RASSF8: variants seen among roughly 807,000 people sequenced by gnomAD.
RASSF8 encodes the protein Ras association domain family member 8.
RASSF8 carries 22 observed loss-of-function variants against 48.5 expected under a neutral mutation model. That is an observed-to-expected ratio of 0.45 (90% confidence interval 0.32 to 0.65). The LOEUF (loss-of-function observed/expected upper bound fraction) is 0.65. Among genes scored for constraint, RASSF8 ranks in the 30% least tolerant of loss-of-function variants. The probability of loss-of-function intolerance (pLI) is 0.03; values close to 1 mark genes in which losing one functional copy is unlikely to be tolerated. For synonymous variants in RASSF8, 127 were observed against 171.5 expected, an observed-to-expected ratio of 0.74 and a Z score of 2.03; for missense variants, 418 against 489.2, an observed-to-expected ratio of 0.85 and a Z score of 1.37.
At chr12:25,961,258 C>T (rs1352755516) in intron 1 of RASSF8, among the ~76,000 whole-genome samples, 1 of 152,102 alleles carries the variant, frequency 6.6e-6, no homozygotes, top group Non-Finnish European at 1.5e-5. Context: ...TGGTTAATTC[C>T]TGGCATAATG....
chr12:26,035,789 A>G (rs1490552991), intron 2 of RASSF8, among the ~76,000 whole-genome samples: 1 of 145,174 alleles, frequency 6.9e-6, no homozygotes, highest in African/African-American at 2.5e-5. Context: ...TATATGATAT[A>G]CATCACTAGA....
intron 2 of RASSF8, among the ~76,000 whole-genome samples, chr12:26,031,181 T>C (rs1235563174): frequency 6.6e-6 from 1 of 152,130 alleles, no homozygotes; most frequent in African/African-American, 2.4e-5. Context: ...AGACTCCCCC[T>C]GCCCCATTTT....
At chr12:26,006,843 TACTC>T (rs756333026) in intron 2 of RASSF8, among the ~76,000 whole-genome samples, 3 of 152,212 alleles carry the variant, frequency 2.0e-5, no homozygotes, top group South Asian at 2.1e-4. Context: ...CTTTAGTTCT[TACTC>T]ACTAAAATCG....
At chr12:26,001,856 CAT>C (rs2069502129) in intron 2 of RASSF8, among the ~76,000 whole-genome samples, 2 of 152,108 alleles carry the variant, frequency 1.3e-5, no homozygotes, top group East Asian at 3.9e-4. Context: ...AAACTGGTGA[CAT>C]AGTCATTTAT....
Position 26,071,210 on chromosome 12 carries a change from T to C in RASSF8, c.*2392T>C. The C allele has an allele frequency of 1.0e-6, 1 of 980,176 alleles. No homozygotes were observed. The highest frequency in any genetic ancestry group is 1.7e-5 in the African/African-American group (1 of 57,196). The allele number at this position is 980,176 out of a possible 1,614,324, so 60.7% of individuals were successfully genotyped here. A position where few individuals can be genotyped will look rare whatever the true frequency, so the allele number is the denominator to read the frequency against. On this transcript the variant is annotated 3_prime_UTR_variant, in exon 6 of 6. Coordinates refer to ENST00000689635, the MANE Select transcript of RASSF8 (RefSeq NM_001394098.1). ...GGGAAAAAAACTCGTTTTCATAGGA[T>C]CATCTGAAGATACTTTAGTATATTT... is the stretch of plus-strand genomic sequence containing the variant.
chr12:25,980,646 T>TG (rs1439702174), intron 1 of RASSF8, among the ~76,000 whole-genome samples: 18 of 151,746 alleles, frequency 1.2e-4, no homozygotes, highest in African/African-American at 4.4e-4. Flanking sequence ...CTGGTGGGAG[T>TG]GGGGTGGGGG....
chr12:26,015,262 C>CCCTTGGT (rs1431012327), intron 2 of RASSF8, among the ~76,000 whole-genome samples: 3 of 151,664 alleles, frequency 2.0e-5, no homozygotes, highest in Non-Finnish European at 4.4e-5. Context: ...CTCTACTGAT[C>CCCTTGGT]CCTTGGTAAA....
intron 2 of RASSF8, among the ~76,000 whole-genome samples, chr12:26,043,157 T>C (rs976964324): frequency 1.3e-5 from 2 of 152,178 alleles, no homozygotes; most frequent in African/African-American, 4.8e-5. Flanking sequence ...CACTTTGATA[T>C]GAAACAAAAC....
At chr12:26,029,368 T>G (rs1463989401) in intron 2 of RASSF8, among the ~76,000 whole-genome samples, 1 of 152,236 alleles carries the variant, frequency 6.6e-6, no homozygotes, top group African/African-American at 2.4e-5. Context: ...GTGACAGTGC[T>G]TCAGAAGCCC....
intron 1 of RASSF8, among the ~76,000 whole-genome samples, chr12:25,989,075 A>G (rs898902910): frequency 1.3e-5 from 2 of 152,212 alleles, no homozygotes; most frequent in African/African-American, 4.8e-5. Context: ...GCGGTAGTAA[A>G]GACAGATTTA....
At chr12:25,990,621 T>C (rs1398373957) in intron 1 of RASSF8, among the ~76,000 whole-genome samples, 2 of 152,232 alleles carry the variant, frequency 1.3e-5, no homozygotes, top group Non-Finnish European at 2.9e-5. Context: ...CTAAGATACC[T>C]TCCTTACTAA....
At chr12:25,985,006 G>A (rs1941838667) in intron 1 of RASSF8, among the ~76,000 whole-genome samples, 1 of 152,166 alleles carries the variant, frequency 6.6e-6, no homozygotes, top group Admixed American at 6.5e-5. Flanking sequence ...CCAGGGTGGT[G>A]ATATAAACCA....
At chr12:25,978,710 C>T (rs1016707614) in intron 1 of RASSF8, among the ~76,000 whole-genome samples, 5 of 150,916 alleles carry the variant, frequency 3.3e-5, no homozygotes, top group Non-Finnish European at 7.4e-5. Flanking sequence ...ACCAGGGGCA[C>T]GATGGGATCA....
At chr12:25,959,293 C>G (rs1941169513) in intron 1 of RASSF8, 145 bp downstream of exon 1, 2 of 152,394 alleles carry the variant, frequency 1.3e-5, no homozygotes, top group South Asian at 2.1e-4. Context: ...CCCACCCTGC[C>G]CCGCCGCGGG....
At chr12:25,996,219 C>G (rs2136963500) in intron 2 of RASSF8, among the ~76,000 whole-genome samples, 1 of 152,232 alleles carries the variant, frequency 6.6e-6, no homozygotes, top group Admixed American at 6.5e-5. Flanking sequence ...TCAAAAAAGC[C>G]TATTCAGACC....
chr12:25,961,538 A>G (rs1159623975), intron 1 of RASSF8, among the ~76,000 whole-genome samples: 1 of 152,164 alleles, frequency 6.6e-6, no homozygotes, highest in Non-Finnish European at 1.5e-5. Context: ...TGTTTACCCC[A>G]CTGCCAGCCA....
In RASSF8 at chr12:26,071,250, C is replaced by A. The variant is rs1021448128; in HGVS notation, c.*2432C>A. On this transcript the variant is annotated 3_prime_UTR_variant, in exon 6 of 6. Transcript: ENST00000689635. Reference sequence around the variant, plus strand: ...TTAGTATATTTGTGATCATTTTTATCTATTGCAAATACAAATGAATTAGAT... The same window carrying A: ...TTAGTATATTTGTGATCATTTTTATATATTGCAAATACAAATGAATTAGAT... The A allele has an allele frequency of 1.0e-6, 1 of 984,122 alleles. No homozygotes were observed. 61.0% of individuals were successfully genotyped at this position (984,122 alleles called of 1,614,324 possible).
intron 1 of RASSF8, among the ~76,000 whole-genome samples, chr12:25,974,410 A>G (rs1175144854): frequency 1.3e-5 from 2 of 152,142 alleles, no homozygotes; most frequent in African/African-American, 4.8e-5. Flanking sequence ...ATGTTTTTCC[A>G]AAGGTATTTA....
Position 26,065,182 on chromosome 12 carries a change from C to T in RASSF8, c.788C>T (p.Ala263Val). 6.2e-7 allele frequency: 1 copy of T among 1,613,996 alleles called. No homozygotes were observed. Among genetic ancestry groups the T allele is most frequent in the Non-Finnish European group, 8.5e-7 (1 of 1,179,938 alleles). The change falls in exon 4 of 6, where the codon GCA becomes GTA. Residue 263 changes from alanine to valine, a missense_variant. Physicochemically the swap from Ala to Val is moderately conservative, Grantham distance 64. Transcript: ENST00000689635. ...ECENKLKDYL[A>V]QIRTMESGLE... The stretch of plus-strand genomic sequence containing the variant: ...GAAAACAAATTAAAGGACTATTTGG[C>T]ACAGATCCGGACTATGGAAAGTGGT...
Sources: gnomAD v4.1 joint callset for allele counts (sites outside exome capture counted in the v4.1 genomes callset) on GRCh38, gnomAD v4.1.1 for gene constraint, MANE v1.5 for transcripts, NCBI Gene and HGNC (gene_info 2026-07-23, HGNC 2026-07-21) for gene names.